BTBD9: variants seen among roughly 807,000 people sequenced by gnomAD.
The protein encoded by BTBD9 is BTB/POZ domain-containing protein 9.
In BTBD9, 49 loss-of-function variants were observed where a neutral mutation model predicts 64.3. The observed-to-expected ratio is 0.76, with a 90% CI of 0.61 to 0.97. The LOEUF is 0.97. Among genes scored for constraint, BTBD9 ranks in the 50% least tolerant of loss-of-function variants. The pLI is 0.00. For synonymous variants in BTBD9, 260 were observed against 274.7 expected (o/e 0.95, Z 0.53); for missense variants, 598 against 762.1 (o/e 0.78, Z 2.53).
At chr6:38,541,613 C>T (rs978041342) in intron 6 of BTBD9, among the ~76,000 whole-genome samples, 2 of 152,154 alleles carry the variant, frequency 1.3e-5, no homozygotes, top group African/African-American at 2.4e-5. Context: ...TGGCACGTGC[C>T]TGTAGTCCCA....
chr6:38,463,560 G>T (rs1770201788), intron 6 of BTBD9, among the ~76,000 whole-genome samples: 1 of 152,150 alleles, frequency 6.6e-6, no homozygotes, highest in African/African-American at 2.4e-5. Context: ...CTTCTAGTTT[G>T]CTGATATTTA....
chr6:38,396,573 T>C (rs1445835346), intron 6 of BTBD9, among the ~76,000 whole-genome samples: 1 of 152,232 alleles, frequency 6.6e-6, no homozygotes, highest in Admixed American at 6.5e-5. Context: ...TTTTCCTTTA[T>C]CCTTTACCCT....
At chr6:38,540,647 C>T (rs1774229885) in intron 6 of BTBD9, among the ~76,000 whole-genome samples, 1 of 152,098 alleles carries the variant, frequency 6.6e-6, no homozygotes. Flanking sequence ...TAAACAAAGG[C>T]AGTATGTCTT....
At chr6:38,192,995 T>C (rs1204062100) in intron 9 of BTBD9, among the ~76,000 whole-genome samples, 2 of 152,038 alleles carry the variant, frequency 1.3e-5, no homozygotes, top group East Asian at 1.9e-4. Context: ...GCATGGCACA[T>C]GTATGCATAT....
At chr6:38,580,889 T>C (rs192986036) in intron 4 of BTBD9, among the ~76,000 whole-genome samples, 107 of 145,796 alleles carry the variant, frequency 7.3e-4, no homozygotes, top group South Asian at 7.2e-3. Flanking sequence ...ATTCTACTAG[T>C]AACTTTAATA....
intron 6 of BTBD9, among the ~76,000 whole-genome samples, chr6:38,556,580 G>C (rs1198862895): frequency 6.9e-6 from 1 of 145,456 alleles, no homozygotes; most frequent in African/African-American, 2.6e-5. Context: ...AGAGAGATTT[G>C]ATCACCCAGG....
intron 4 of BTBD9, among the ~76,000 whole-genome samples, chr6:38,582,268 G>GT (rs1478567018): frequency 3.3e-5 from 5 of 152,170 alleles, no homozygotes; most frequent in African/African-American, 1.2e-4. Flanking sequence ...TTCTATTAGC[G>GT]TGTGATAATC....
intron 6 of BTBD9, among the ~76,000 whole-genome samples, chr6:38,562,362 C>T (rs1241342028): frequency 1.3e-5 from 2 of 152,140 alleles, no homozygotes; most frequent in Non-Finnish European, 2.9e-5. Flanking sequence ...TAGTGTCCAC[C>T]AGGTACCTTT....
intron 7 of BTBD9, among the ~76,000 whole-genome samples, chr6:38,317,126 G>T (rs1763057529): frequency 6.6e-6 from 1 of 151,926 alleles, no homozygotes; most frequent in African/African-American, 2.4e-5. Context: ...CTCCCAAGTA[G>T]CTGGGATTAC....
At chr6:38,553,844 C>A (rs1472374179) in intron 6 of BTBD9, among the ~76,000 whole-genome samples, 4 of 151,056 alleles carry the variant, frequency 2.6e-5, no homozygotes, top group Admixed American at 2.6e-4. Context: ...CAGAGCGAAA[C>A]CTTGTCCCTT....
At chr6:38,454,002 T>TA (rs1562208251) in intron 6 of BTBD9, among the ~76,000 whole-genome samples, 1 of 152,102 alleles carries the variant, frequency 6.6e-6, no homozygotes, top group Non-Finnish European at 1.5e-5. Flanking sequence ...TTGAGGGAGA[T>TA]AATAGAAAAA....
intron 6 of BTBD9, among the ~76,000 whole-genome samples, chr6:38,374,553 G>C (rs1380822121): frequency 6.6e-6 from 1 of 151,448 alleles, no homozygotes; most frequent in East Asian, 1.9e-4. Flanking sequence ...GCCCCCAGTT[G>C]AGACATCTCT....
At position 38,172,588 on chromosome 6, in the gene BTBD9, G is replaced by A. The variant is rs990778227; in HGVS notation, c.*2397C>T. 3 of 152,440 alleles carry A rather than the reference G, an allele frequency of 2.0e-5. No individual in the cohort carries two copies. The highest frequency in any genetic ancestry group is 3.4e-3 in the Middle Eastern group (1 of 296). The allele number at this position is 152,440 out of a possible 1,614,324, so 9.4% of individuals were successfully genotyped here. A position where few individuals can be genotyped will look rare whatever the true frequency, so the allele number is the denominator to read the frequency against. On this transcript the variant is annotated 3_prime_UTR_variant, in exon 11 of 11. Coordinates refer to ENST00000481247, the MANE Select transcript of BTBD9 (RefSeq NM_001099272.2). ...GTCCAGGGCAGGCTCCCAGCAAAGC[G>A]AGGGGGAGGCGAGCTGGCAGCGCGG...
At chr6:38,267,142 A>G (rs950734777) in intron 8 of BTBD9, among the ~76,000 whole-genome samples, 5 of 152,248 alleles carry the variant, frequency 3.3e-5, no homozygotes, top group Admixed American at 6.5e-5. Flanking sequence ...CTTAGCTCCC[A>G]GGCATCAGGT....
At chr6:38,215,775 TTTCAGCTGTTTTATCA>T (rs1292674560) in intron 9 of BTBD9, among the ~76,000 whole-genome samples, 1 of 152,162 alleles carries the variant, frequency 6.6e-6, no homozygotes, top group Non-Finnish European at 1.5e-5. Flanking sequence ...ACAGATGAAA[TTTCAGCTGTTTTATCA>T]TTCAGCTGTT....
chr6:38,230,698 C>T (rs1000280916), intron 9 of BTBD9, among the ~76,000 whole-genome samples: 1 of 152,122 alleles, frequency 6.6e-6, no homozygotes, highest in Non-Finnish European at 1.5e-5. Context: ...GAAGCACAAG[C>T]CATCCTTCTG....
In BTBD9 at chr6:38,257,063, CTTTTT is replaced by C. The variant is rs745545678; in HGVS notation, c.1455-552_1455-548del. Among the ~76,000 whole-genome samples, 196 of 111,362 alleles carry C rather than the reference CTTTTT, an allele frequency of 1.8e-3. 4 individuals carry two copies. The East Asian group carries it at 0.036, about 21-fold the overall frequency. 73.1% of individuals were successfully genotyped at this position (111,362 alleles called of 152,430 possible). ...TAGCTGGGACTATAGTTGCACACTT[CTTTTT>C]TTTTTTTTTTTTTTTGGTAGAGGCA... On this transcript the variant is annotated intron_variant, in intron 8 of 10. Coordinates refer to ENST00000481247, the MANE Select transcript of BTBD9 (RefSeq NM_001099272.2).
At chr6:38,462,632 C>T (rs1023529113) in intron 6 of BTBD9, among the ~76,000 whole-genome samples, 13 of 152,044 alleles carry the variant, frequency 8.6e-5, no homozygotes, top group Non-Finnish European at 1.3e-4. Flanking sequence ...TGCATTTCTA[C>T]GTGAATTTGA....
intron 6 of BTBD9, among the ~76,000 whole-genome samples, chr6:38,386,925 C>T (rs1766199040): frequency 6.6e-6 from 1 of 152,114 alleles, no homozygotes; most frequent in South Asian, 2.1e-4. Flanking sequence ...TTACAGGCAT[C>T]AGCCAACGCG....
Sources: allele counts gnomAD v4.1 joint callset (sites outside exome capture counted in the v4.1 genomes callset), GRCh38; gene constraint gnomAD v4.1.1; transcripts MANE v1.5; gene names NCBI Gene and HGNC (gene_info 2026-07-23, HGNC 2026-07-21).